Variants in SCFD2 observed in about 807,000 individuals in gnomAD.
SCFD2 encodes the protein sec1 family domain containing 2.
A neutral mutation model predicts 58.9 loss-of-function variants in SCFD2; 54 were observed. That is an observed-to-expected ratio of 0.92 (90% CI 0.74 to 1.15). SCFD2 has a LOEUF of 1.15. Among genes scored for constraint, SCFD2 ranks in the 50% most tolerant of loss-of-function variants. The probability of loss-of-function intolerance (pLI) is 0.00; values close to 1 mark genes in which losing one functional copy is unlikely to be tolerated. For missense variants in SCFD2, 805 were observed against 836.6 expected (o/e 0.96, Z 0.47); for synonymous variants, 321 against 335.9 (o/e 0.96, Z 0.49).
intron 5 of SCFD2, among the ~76,000 whole-genome samples, chr4:53,084,691 A>G (rs1270659835): frequency 2.0e-5 from 3 of 152,202 alleles, no homozygotes; most frequent in Admixed American, 6.5e-5. Context: ...CCCACAACAC[A>G]TCATGATCAA....
intron 6 of SCFD2, among the ~76,000 whole-genome samples, chr4:52,918,213 C>T (rs1256289889): frequency 6.6e-6 from 1 of 152,162 alleles, no homozygotes; most frequent in Admixed American, 6.5e-5. Context: ...ATTGTTTAGC[C>T]AAGGACTATT....
At chr4:53,277,823 C>A (rs534088555) in intron 3 of SCFD2, among the ~76,000 whole-genome samples, 1 of 149,914 alleles carries the variant, frequency 6.7e-6, no homozygotes, top group African/African-American at 2.5e-5. Flanking sequence ...GAGGCCGAGG[C>A]GGGCAGATCA....
intron 5 of SCFD2, among the ~76,000 whole-genome samples, chr4:53,143,197 A>G (rs971924060): frequency 1.3e-5 from 2 of 152,220 alleles, no homozygotes; most frequent in African/African-American, 4.8e-5. Context: ...TTCTTACAGC[A>G]TGATTTCAGT....
chr4:52,893,587 C>T (rs1718929785), intron 7 of SCFD2, among the ~76,000 whole-genome samples: 1 of 152,194 alleles, frequency 6.6e-6, no homozygotes, highest in Non-Finnish European at 1.5e-5. Context: ...ATAGGAAAGG[C>T]TCCTAGCATC....
intron 2 of SCFD2, among the ~76,000 whole-genome samples, chr4:53,333,009 G>C (rs1733544230): frequency 6.7e-6 from 1 of 150,098 alleles, no homozygotes; most frequent in Non-Finnish European, 1.5e-5. Context: ...ATGCTTCAAA[G>C]AGAATAAAAT....
At chr4:53,261,954 T>C (rs975740457) in intron 4 of SCFD2, among the ~76,000 whole-genome samples, 1 of 152,184 alleles carries the variant, frequency 6.6e-6, no homozygotes, top group African/African-American at 2.4e-5. Context: ...TTTGTACTAG[T>C]CCTTTTATCA....
chr4:53,324,060 G>A (rs1278955479), intron 2 of SCFD2, among the ~76,000 whole-genome samples: 1 of 152,056 alleles, frequency 6.6e-6, no homozygotes, highest in Non-Finnish European at 1.5e-5. Context: ...ACTTGCACAA[G>A]GTTGAAACCT....
chr4:53,066,700 C>T (rs1272522266), intron 5 of SCFD2, among the ~76,000 whole-genome samples: 2 of 151,926 alleles, frequency 1.3e-5, no homozygotes, highest in Non-Finnish European at 2.9e-5. Context: ...CCTAGAAAAC[C>T]TTTCACTTTC....
chr4:53,251,055 C>T (rs556417928), intron 4 of SCFD2, among the ~76,000 whole-genome samples: 16 of 152,224 alleles, frequency 1.1e-4, no homozygotes, highest in African/African-American at 3.9e-4. Context: ...GGGGATATCA[C>T]CACCGATCCC....
Position 52,885,808 on chromosome 4 carries a change from A to AC in SCFD2, c.1900dup (p.Val634GlyfsTer5). On this transcript the variant is annotated frameshift_variant, in exon 8 of 9. Transcript: ENST00000401642. LOFTEE classifies it high-confidence loss of function. The stretch of plus-strand genomic sequence containing the variant: ...GACCATTTTCACTTCAGAGACTGTG[A>AC]CCCCACCTACCACAAAGAGGATCAG... The AC allele has an allele frequency of 1.2e-6, 2 of 1,613,996 alleles. No homozygotes were observed. The highest frequency in any genetic ancestry group is 1.7e-6 in the Non-Finnish European group (2 of 1,179,960).
chr4:53,341,080 T>C (rs988872635), intron 2 of SCFD2, among the ~76,000 whole-genome samples: 1 of 152,160 alleles, frequency 6.6e-6, no homozygotes, highest in Non-Finnish European at 1.5e-5. Context: ...ACACAGCTCC[T>C]CGTCAGCAAC....
chr4:53,178,577 T>C (rs1055319513), intron 4 of SCFD2, among the ~76,000 whole-genome samples: 2 of 152,078 alleles, frequency 1.3e-5, no homozygotes, highest in Non-Finnish European at 2.9e-5. Flanking sequence ...CTGGAAACTC[T>C]AAAAATCAGA....
intron 5 of SCFD2, among the ~76,000 whole-genome samples, chr4:52,921,932 G>A (rs945520846): frequency 5.9e-5 from 9 of 152,198 alleles, no homozygotes; most frequent in Admixed American, 2.6e-4. Flanking sequence ...TTCTCTTCCC[G>A]TGGAGGAATA....
chr4:52,924,213 G>A (rs182143699), intron 5 of SCFD2, among the ~76,000 whole-genome samples: 6 of 152,138 alleles, frequency 3.9e-5, no homozygotes, highest in Admixed American at 2.6e-4. Flanking sequence ...TAGGCTGGGT[G>A]GAATAGAATC....
At chr4:52,968,772 A>G (rs913867278) in intron 5 of SCFD2, among the ~76,000 whole-genome samples, 1 of 152,046 alleles carries the variant, frequency 6.6e-6, no homozygotes, top group Non-Finnish European at 1.5e-5. Flanking sequence ...GCATGTATGT[A>G]TATGTGTGTG....
chr4:53,051,693 G>A (rs905508563), intron 5 of SCFD2, among the ~76,000 whole-genome samples: 17 of 152,152 alleles, frequency 1.1e-4, no homozygotes, highest in African/African-American at 3.4e-4. Context: ...ATATAAAGTG[G>A]CGCTAACTGC....
intron 5 of SCFD2, among the ~76,000 whole-genome samples, chr4:52,971,362 T>C (rs1345975831): frequency 5.3e-5 from 8 of 152,096 alleles, no homozygotes; most frequent in African/African-American, 1.9e-4. Context: ...GAGAACTACA[T>C]GACGAATGCA....
chr4:53,009,985 A>C (rs1482635906), intron 5 of SCFD2, among the ~76,000 whole-genome samples: 2 of 152,172 alleles, frequency 1.3e-5, no homozygotes, highest in Non-Finnish European at 2.9e-5. Flanking sequence ...CTCGGGCTGC[A>C]CTGAGAGCTT....
intron 5 of SCFD2, among the ~76,000 whole-genome samples, chr4:53,112,976 T>A (rs1005937379): frequency 6.6e-6 from 1 of 152,074 alleles, no homozygotes; most frequent in East Asian, 1.9e-4. Context: ...GATTCCCTCT[T>A]AAGGTCTCTT....
Sources: allele counts gnomAD v4.1 joint callset (sites outside exome capture counted in the v4.1 genomes callset), GRCh38; gene constraint gnomAD v4.1.1; transcripts MANE v1.5; gene names NCBI Gene and HGNC (gene_info 2026-07-23, HGNC 2026-07-21).